NRG1: variants seen among roughly 807,000 people sequenced by gnomAD.
NRG1 encodes neuregulin 1, also known as pro-neuregulin-1, membrane-bound isoform.
A neutral mutation model predicts 63.8 loss-of-function variants in NRG1; 18 were observed. The observed-to-expected ratio is 0.28, with a 90% CI of 0.19 to 0.42. The LOEUF (loss-of-function observed/expected upper bound fraction) is 0.42. Among genes scored for constraint, NRG1 ranks in the 10% least tolerant of loss-of-function variants. The probability of loss-of-function intolerance (pLI) is 1.00; values close to 1 mark genes in which losing one functional copy is unlikely to be tolerated. For missense variants in NRG1, 762 were observed against 814.7 expected (o/e 0.94, Z 0.79); for synonymous variants, 302 against 301.3 (o/e 1.00, Z -0.02).
chr8:32,352,959 T>G lies in NRG1; in HGVS notation c.38-242869T>G, dbSNP rs1224277384. Among the ~76,000 whole-genome samples, 684 of 134,672 alleles carry G rather than the reference T, an allele frequency of 5.1e-3. 7 individuals carry two copies. Among genetic ancestry groups the G allele is most frequent in the African/African-American group, 0.011 (434 of 39,416 alleles). 88.4% of individuals were successfully genotyped at this position (134,672 alleles called of 152,430 possible). On this transcript the variant is annotated intron_variant, in intron 1 of 10. Transcript: ENST00000519301. ...ATATATGTGTGTGTGTATATATATATATACAGAGAGAGAGAGACAGAGAGA... is the reference window on the plus strand; with the variant it reads ...ATATATGTGTGTGTGTATATATATAGATACAGAGAGAGAGAGACAGAGAGA...
At chr8:31,990,395 T>C (rs1383546812) in intron 1 of NRG1, among the ~76,000 whole-genome samples, 2 of 152,004 alleles carry the variant, frequency 1.3e-5, no homozygotes, top group Non-Finnish European at 2.9e-5. Flanking sequence ...TTTTATATTG[T>C]GGTAGGTAGA....
intron 3 of NRG1, among the ~76,000 whole-genome samples, chr8:32,608,083 G>GTTTTTTTTTTTTTT (rs372730003): frequency 2.0e-5 from 2 of 99,330 alleles, no homozygotes; most frequent in African/African-American, 8.9e-5. Context: ...ATGAACCCAG[G>GTTTTTTTTTTTTTT]TTTTTTTTGT....
At chr8:32,320,627 AG>A (rs1363371694) in intron 1 of NRG1, among the ~76,000 whole-genome samples, 3 of 152,210 alleles carry the variant, frequency 2.0e-5, no homozygotes, top group African/African-American at 7.2e-5. Context: ...TCACAAGAAA[AG>A]CAAGGGGAAA....
chr8:32,739,803 G>C (rs10216402), intron 6 of NRG1, among the ~76,000 whole-genome samples: 1 of 151,806 alleles, frequency 6.6e-6, no homozygotes, highest in African/African-American at 2.4e-5. Context: ...GCAATTGTGT[G>C]GTGTGTGTGT....
chr8:31,796,647 C>T (rs1476795059), intron 1 of NRG1, among the ~76,000 whole-genome samples: 1 of 151,810 alleles, frequency 6.6e-6, no homozygotes, highest in Non-Finnish European at 1.5e-5. Context: ...CCGTGTTAGC[C>T]AGGATGGTCT....
intron 5 of NRG1, among the ~76,000 whole-genome samples, chr8:32,650,183 T>G (rs1044799807): frequency 1.3e-5 from 2 of 152,228 alleles, no homozygotes; most frequent in Non-Finnish European, 2.9e-5. Flanking sequence ...ATTTTTCTAC[T>G]AAGTGTTTTA....
chr8:31,812,618 C>T (rs752430805), intron 1 of NRG1, among the ~76,000 whole-genome samples: 8 of 151,426 alleles, frequency 5.3e-5, no homozygotes, highest in Admixed American at 1.3e-4. Context: ...TCTCCTTGCC[C>T]ATCCCCTTTC....
chr8:32,712,580 A>T (rs1818100452), intron 5 of NRG1, among the ~76,000 whole-genome samples: 1 of 152,182 alleles, frequency 6.6e-6, no homozygotes, highest in African/African-American at 2.4e-5. Context: ...ATCAGTACAG[A>T]TCCATGTTAA....
At chr8:32,227,281 C>T (rs569909552) in intron 1 of NRG1, among the ~76,000 whole-genome samples, 2 of 152,218 alleles carry the variant, frequency 1.3e-5, no homozygotes, top group South Asian at 4.1e-4. Context: ...AAGACTAACA[C>T]ATTTACAGCA....
chr8:32,025,940 C>G (rs1002814098), intron 1 of NRG1, among the ~76,000 whole-genome samples: 17 of 121,784 alleles, frequency 1.4e-4, no homozygotes, highest in Non-Finnish European at 2.3e-4. Flanking sequence ...AGCGAGACTC[C>G]GTCTAAAAAA....
At chr8:32,532,749 T>C (rs754607757) in intron 1 of NRG1, among the ~76,000 whole-genome samples, 10 of 152,012 alleles carry the variant, frequency 6.6e-5, no homozygotes, top group Non-Finnish European at 1.3e-4. Context: ...GGTTTTTATG[T>C]GAAACCTTTA....
At chr8:31,941,235 G>C (rs1002777738) in intron 1 of NRG1, among the ~76,000 whole-genome samples, 1 of 152,070 alleles carries the variant, frequency 6.6e-6, no homozygotes, top group Admixed American at 6.6e-5. Context: ...ATGCAGGGAT[G>C]GTTTAACATA....
chr8:32,409,894 T>C (rs905711724), intron 1 of NRG1, among the ~76,000 whole-genome samples: 2 of 152,150 alleles, frequency 1.3e-5, no homozygotes, highest in African/African-American at 2.4e-5. Context: ...GCTGATGGAT[T>C]TCTCCCAGCG....
chr8:31,847,430 A>G (rs1226875451), intron 1 of NRG1, among the ~76,000 whole-genome samples: 1 of 152,208 alleles, frequency 6.6e-6, no homozygotes, highest in Non-Finnish European at 1.5e-5. Context: ...CATAGTGATG[A>G]ATTCAGCAGA....
At chr8:32,013,875 G>A (rs1465990389) in intron 1 of NRG1, among the ~76,000 whole-genome samples, 1 of 152,094 alleles carries the variant, frequency 6.6e-6, no homozygotes, top group Non-Finnish European at 1.5e-5. Context: ...CACACAGAAG[G>A]TGGGAGTCAT....
At chr8:32,053,332 T>C (rs997336547) in intron 1 of NRG1, among the ~76,000 whole-genome samples, 1 of 152,142 alleles carries the variant, frequency 6.6e-6, no homozygotes. Flanking sequence ...ATGTATTGAA[T>C]GAGTGAATGA....
At chr8:32,635,713 C>T (rs78716984) in intron 5 of NRG1, among the ~76,000 whole-genome samples, 7,866 of 152,240 alleles carry the variant, frequency 0.052, 285 homozygotes, top group Middle Eastern at 0.1. Context: ...AGAGATCCCT[C>T]TGCTATTCTT....
intron 1 of NRG1, among the ~76,000 whole-genome samples, chr8:32,321,426 C>T (rs1417553879): frequency 7.3e-5 from 11 of 150,374 alleles, no homozygotes; most frequent in East Asian, 5.8e-4. Context: ...TTGGTCTTGT[C>T]GACATCTCTT....
At chr8:31,895,276 C>A (rs750782533) in intron 1 of NRG1, among the ~76,000 whole-genome samples, 2 of 152,222 alleles carry the variant, frequency 1.3e-5, no homozygotes, top group Admixed American at 6.5e-5. Context: ...CCAAAGAAGT[C>A]AGGGGTTTTT....
Sources: allele counts gnomAD v4.1 joint callset (sites outside exome capture counted in the v4.1 genomes callset), GRCh38; gene constraint gnomAD v4.1.1; transcripts MANE v1.5; gene names NCBI Gene and HGNC (gene_info 2026-07-23, HGNC 2026-07-21).